Variants in TENM1 observed in about 807,000 individuals in gnomAD.
The protein encoded by TENM1 is teneurin-1.
In TENM1, 35 loss-of-function variants were observed where a neutral mutation model predicts 174.8. That is an observed-to-expected ratio of 0.20 (90% CI 0.15 to 0.27). The LOEUF (loss-of-function observed/expected upper bound fraction) is 0.27, where lower values mean the gene tolerates loss of function less well. Ranked by LOEUF, TENM1 falls within the 10% of genes least tolerant of loss-of-function variation. The pLI is 1.00. For synonymous variants in TENM1, 781 were observed against 798.7 expected (o/e 0.98, Z 0.37); for missense variants, 1,633 against 2,130.1 (o/e 0.77, Z 4.59).
At chrX:124,485,451 T>C (rs1415370705) in intron 21 of TENM1, among the ~76,000 whole-genome samples, 2 of 111,345 alleles carry the variant, frequency 1.8e-5, no homozygotes, top group African/African-American at 3.3e-5. Context: ...GCCTTCAGAA[T>C]AAAATTTTTC....
chrX:124,819,259 C>T (rs187362824), intron 3 of TENM1, among the ~76,000 whole-genome samples: 1 of 111,534 alleles, frequency 9.0e-6, no homozygotes, highest in East Asian at 2.8e-4. Context: ...AAAATATTTT[C>T]ATTGCACAGT....
In TENM1 at chrX:124,523,337, T is replaced by A. The variant is rs760246417; in HGVS notation, c.3033+27A>T. The A allele has an allele frequency of 2.4e-4, 284 of 1,199,729 alleles. 1 individual carries two copies. In the South Asian group the frequency reaches 4.7e-3, roughly 20 times the overall value. ...TGACCACTCCATGATATTATTATTT[T>A]ATACATTCAAAGGCCAATATACTCA... is the stretch of plus-strand genomic sequence containing the variant. On this transcript the variant is annotated intron_variant, in intron 17 of 31. Transcript: ENST00000422452.
At chrX:124,874,772 C>T (rs1196612448) in intron 3 of TENM1, among the ~76,000 whole-genome samples, 1 of 110,833 alleles carries the variant, frequency 9.0e-6, no homozygotes, top group Non-Finnish European at 1.9e-5. Flanking sequence ...ACATAATTGT[C>T]TCAACACTTT....
intron 22 of TENM1, 85 bp from the exon 26 acceptor site, chrX:124,453,576 T>G: frequency 1.1e-6 from 1 of 913,448 alleles, no homozygotes. Context: ...GCCATAGCAA[T>G]GGAAAGGCAT....
chrX:124,603,566 T>G (rs2148285659), intron 11 of TENM1, among the ~76,000 whole-genome samples: 1 of 111,933 alleles, frequency 8.9e-6, no homozygotes, highest in Non-Finnish European at 1.9e-5. Context: ...AACAGGGATT[T>G]GAACCCACAC....
intron 11 of TENM1, among the ~76,000 whole-genome samples, chrX:124,639,610 GT>G (rs1427916943): frequency 9.0e-6 from 1 of 111,308 alleles, no homozygotes; most frequent in Admixed American, 9.6e-5. Context: ...CTCTGGGCAA[GT>G]TATTTCACCT....
At chrX:124,774,505 T>A (rs2054737127) in intron 3 of TENM1, among the ~76,000 whole-genome samples, 1 of 111,567 alleles carries the variant, frequency 9.0e-6, no homozygotes, top group South Asian at 3.8e-4. Context: ...AAGACTGATT[T>A]AAAAATCTGA....
At chrX:125,044,812 T>A in the TENM1 span, among the ~76,000 whole-genome samples, 25 of 111,397 alleles carry the variant, frequency 2.2e-4, no homozygotes, top group African/African-American at 7.5e-4. Context: ...TCTTCCATCC[T>A]GAGGAAAAAT....
At chrX:125,030,209 G>A in the TENM1 span, among the ~76,000 whole-genome samples, 8,394 of 111,716 alleles carry the variant, frequency 0.075, 758 homozygotes, top group African/African-American at 0.26. Context: ...CAATTGGCTA[G>A]ACATTCTCAA....
the TENM1 span, among the ~76,000 whole-genome samples, chrX:125,196,510 A>G: frequency 1.3e-4 from 15 of 111,803 alleles, no homozygotes; most frequent in African/African-American, 4.5e-4. Flanking sequence ...TAAGCAGAGC[A>G]GCTTAAAAAA....
At chrX:125,121,130 C>T in the TENM1 span, among the ~76,000 whole-genome samples, 6 of 111,653 alleles carry the variant, frequency 5.4e-5, no homozygotes, top group African/African-American at 2.0e-4. Flanking sequence ...ATTTTGATAA[C>T]GTGACAAGGT....
chrX:124,663,383 C>T (rs2051661855), intron 6 of TENM1, among the ~76,000 whole-genome samples: 1 of 111,909 alleles, frequency 8.9e-6, no homozygotes, highest in African/African-American at 3.2e-5. Flanking sequence ...AATTCTGGAA[C>T]TGTAAAACTT....
intron 11 of TENM1, among the ~76,000 whole-genome samples, chrX:124,615,928 A>G (rs142543086): frequency 8.9e-6 from 1 of 112,594 alleles, no homozygotes; most frequent in Non-Finnish European, 1.9e-5. Context: ...GATAAGCTGT[A>G]AACACTCAGA....
chrX:125,045,810 G>T, the TENM1 span, among the ~76,000 whole-genome samples: 3 of 111,843 alleles, frequency 2.7e-5, no homozygotes, highest in Non-Finnish European at 5.7e-5. Context: ...TATTGCAAGG[G>T]TTTAAAGTAC....
the TENM1 span, among the ~76,000 whole-genome samples, chrX:125,143,511 G>A: frequency 1.8e-5 from 2 of 111,581 alleles, no homozygotes; most frequent in Non-Finnish European, 3.8e-5. Flanking sequence ...TAGCTACTAG[G>A]TAAAAGTAGT....
the TENM1 span, among the ~76,000 whole-genome samples, chrX:124,974,908 A>T: frequency 1.0e-5 from 1 of 98,760 alleles, no homozygotes; most frequent in Non-Finnish European, 2.0e-5. Context: ...ATATAAAATA[A>T]TTTTGAAGAT....
chrX:124,541,533 G>A (rs1397592567), intron 15 of TENM1, among the ~76,000 whole-genome samples: 2 of 112,338 alleles, frequency 1.8e-5, no homozygotes, highest in Non-Finnish European at 3.8e-5. Context: ...AAGCTGAGCA[G>A]ATGCCAGCAT....
the TENM1 span, among the ~76,000 whole-genome samples, chrX:125,048,433 C>T: frequency 9.1e-6 from 1 of 109,633 alleles, no homozygotes; most frequent in Non-Finnish European, 1.9e-5. Context: ...GGCCTCCAAG[C>T]AATTTTTAAA....
chrX:124,555,287 C>T (rs1297160738), intron 14 of TENM1, among the ~76,000 whole-genome samples: 1 of 111,675 alleles, frequency 9.0e-6, no homozygotes, highest in Non-Finnish European at 1.9e-5. Context: ...GAACGTTTTT[C>T]CCCTGACTCA....
Sources: gnomAD v4.1 joint callset for allele counts (sites outside exome capture counted in the v4.1 genomes callset) on GRCh38, gnomAD v4.1.1 for gene constraint, MANE v1.5 for transcripts, NCBI Gene and HGNC (gene_info 2026-07-23, HGNC 2026-07-21) for gene names.